Variants in SFMBT1 observed in about 807,000 individuals in gnomAD.
The protein encoded by SFMBT1 is scm-like with four MBT domains protein 1.
A neutral mutation model predicts 108.7 loss-of-function variants in SFMBT1; 32 were observed. The ratio of observed to expected loss-of-function variants is 0.29; its 90% CI spans 0.22 to 0.40. The LOEUF is 0.40. SFMBT1 is among the 10% of genes least tolerant of loss of function. The pLI, the probability that SFMBT1 is intolerant of heterozygous loss-of-function variation, is 1.00. For synonymous variants in SFMBT1, 348 were observed against 369.5 expected, an observed-to-expected ratio of 0.94 and a Z score of 0.67; for missense variants, 816 against 1,059.6, an observed-to-expected ratio of 0.77 and a Z score of 3.19.
At chr3:52,928,106 C>A in intron 9 of SFMBT1, 85 bp downstream of exon 9, 1 of 1,530,290 alleles carries the variant, frequency 6.5e-7, no homozygotes, top group Admixed American at 1.9e-5. Flanking sequence ...AGGAGAGGGA[C>A]AAAAGATTTC....
intron 5 of SFMBT1, among the ~76,000 whole-genome samples, chr3:52,934,200 A>T (rs2710316): frequency 0.98 from 149,134 of 152,262 alleles, 73,121 homozygotes; most frequent in Middle Eastern, 1. Context: ...TTGGCAAGGA[A>T]GTAGAGGGAT....
At chr3:52,992,577 T>G (rs1282099016) in intron 1 of SFMBT1, among the ~76,000 whole-genome samples, 3 of 152,216 alleles carry the variant, frequency 2.0e-5, no homozygotes, top group Non-Finnish European at 4.4e-5. Context: ...TTAATTAGAC[T>G]TTGATATTGA....
chr3:53,005,100 T>A (rs550768914), intron 1 of SFMBT1, among the ~76,000 whole-genome samples: 1 of 152,230 alleles, frequency 6.6e-6, no homozygotes, highest in African/African-American at 2.4e-5. Context: ...CAGGTCACTT[T>A]TCTTATCAAA....
intron 1 of SFMBT1, among the ~76,000 whole-genome samples, chr3:53,017,497 C>T (rs1213470716): frequency 6.6e-6 from 1 of 152,134 alleles, no homozygotes; most frequent in Non-Finnish European, 1.5e-5. Flanking sequence ...GGTTTATAGG[C>T]TAATCAGATC....
intron 4 of SFMBT1, among the ~76,000 whole-genome samples, chr3:52,942,371 A>G (rs542206521): frequency 6.6e-6 from 1 of 152,364 alleles, no homozygotes; most frequent in Admixed American, 6.5e-5. Context: ...AAGATAAAGT[A>G]AACATCATAT....
At chr3:52,918,557 A>G (rs1188876616) in intron 12 of SFMBT1, 31 bp from the exon 13 acceptor site, 2 of 1,426,542 alleles carry the variant, frequency 1.4e-6, no homozygotes, top group Non-Finnish European at 1.9e-6. Flanking sequence ...ATAAATGCCA[A>G]GAAAAATAAA....
At chr3:53,020,155 G>A (rs759135600) in intron 1 of SFMBT1, among the ~76,000 whole-genome samples, 33 of 151,934 alleles carry the variant, frequency 2.2e-4, no homozygotes, top group Admixed American at 1.6e-3. Context: ...TTGGGAGGCC[G>A]AGGCAGGCGG....
chr3:52,931,757 T>C (rs901230419), intron 6 of SFMBT1, among the ~76,000 whole-genome samples: 2 of 152,082 alleles, frequency 1.3e-5, no homozygotes, highest in African/African-American at 4.8e-5. Flanking sequence ...CAAGAATCGC[T>C]TGAACCCGGG....
At chr3:52,967,547 A>G (rs1421840223) in intron 2 of SFMBT1, among the ~76,000 whole-genome samples, 1 of 152,214 alleles carries the variant, frequency 6.6e-6, no homozygotes, top group African/African-American at 2.4e-5. Context: ...GGTTGATTTT[A>G]TGGTATGTGT....
intron 9 of SFMBT1, among the ~76,000 whole-genome samples, chr3:52,926,730 A>C (rs1702669917): frequency 6.6e-6 from 1 of 152,160 alleles, no homozygotes; most frequent in Non-Finnish European, 1.5e-5. Context: ...TCTTGATGGA[A>C]GCATCTCCAA....
At chr3:53,017,203 T>C (rs1699155119) in intron 1 of SFMBT1, among the ~76,000 whole-genome samples, 1 of 152,182 alleles carries the variant, frequency 6.6e-6, no homozygotes, top group Non-Finnish European at 1.5e-5. Flanking sequence ...AAGATAAAGA[T>C]GGGATCCATG....
intron 9 of SFMBT1, 126 bp from the exon 10 acceptor site, chr3:52,926,239 G>C (rs1032923044): frequency 7.3e-6 from 5 of 689,628 alleles, no homozygotes; most frequent in Non-Finnish European, 1.2e-5. Flanking sequence ...GATCATTTTA[G>C]AGGGGCGAAA....
At chr3:52,931,697 G>A (rs2710339) in intron 6 of SFMBT1, among the ~76,000 whole-genome samples, 86,183 of 151,770 alleles carry the variant, frequency 0.57, 25,549 homozygotes, top group Middle Eastern at 0.67. Context: ...AAAATTAGCC[G>A]GGTGTGGTGG....
rs555113418 is a variant in SFMBT1 at position 52,968,665 on chromosome 3, T to A, written c.28+436A>T. 6.0e-5 allele frequency among the ~76,000 whole-genome samples: 9 copies of A among 150,134 alleles called. No individual in the cohort carries two copies. The South Asian group carries it at 1.9e-3, about 32-fold the overall frequency. On this transcript the variant is annotated intron_variant, in intron 2 of 20. Coordinates refer to ENST00000394752, the MANE Select transcript of SFMBT1 (RefSeq NM_016329.4). ...CACAGGCTGGAGTGCAGTGGCGCGA[T>A]CCTGGCTCACTGCAAGCTCTGCCTC...
At chr3:53,033,297 A>C (rs1268764624) in intron 1 of SFMBT1, among the ~76,000 whole-genome samples, 1 of 151,884 alleles carries the variant, frequency 6.6e-6, no homozygotes, top group Admixed American at 6.6e-5. Flanking sequence ...AGTAGCTGGG[A>C]TTACAGGCAC....
intron 5 of SFMBT1, among the ~76,000 whole-genome samples, 183 bp from the exon 6 acceptor site, chr3:52,932,491 T>C (rs1702888038): frequency 6.6e-6 from 1 of 152,242 alleles, no homozygotes; most frequent in African/African-American, 2.4e-5. Flanking sequence ...TATGAAAATG[T>C]TTATCTTAAA....
intron 3 of SFMBT1, among the ~76,000 whole-genome samples, chr3:52,950,691 C>G (rs1703546674): frequency 1.3e-5 from 2 of 151,894 alleles, no homozygotes; most frequent in African/African-American, 4.8e-5. Context: ...CCAGGCTGGT[C>G]TTGAACTCCT....
intron 1 of SFMBT1, among the ~76,000 whole-genome samples, chr3:53,041,698 CAAAAAAAAAAAAAAA>C (rs59502728): frequency 6.6e-4 from 29 of 44,134 alleles, no homozygotes; most frequent in Admixed American, 2.7e-3. Context: ...AAGTCTGTCT[CAAAAAAAAAAAAAAA>C]AAAAAAAAAA....
rs1036008339 is a variant in SFMBT1, at chr3:52,912,621, G to T, written c.1647C>A (p.Ala549=). The T allele has an allele frequency of 1.2e-6, 2 of 1,614,006 alleles. No homozygotes were observed. The highest frequency in any genetic ancestry group is 1.7e-6 in the Non-Finnish European group (2 of 1,179,962). ...REVLTLLINA[A]YKPSRVLREL... ...CCCGAAGGACACGGCTGGGTTTGTA[G>T]GCTGCATTGATAAGTAAAGTGAGGA... The change falls in exon 16 of 21, where the codon GCC becomes GCA. Residue 549 remains alanine (A), a synonymous_variant. Coordinates refer to ENST00000394752, the MANE Select transcript of SFMBT1 (RefSeq NM_016329.4).
Sources: allele counts gnomAD v4.1 joint callset (sites outside exome capture counted in the v4.1 genomes callset), GRCh38; gene constraint gnomAD v4.1.1; transcripts MANE v1.5; gene names NCBI Gene and HGNC (gene_info 2026-07-23, HGNC 2026-07-21).